LONRF3: variants seen among roughly 807,000 people sequenced by gnomAD.
LONRF3 encodes LON peptidase N-terminal domain and ring finger 3, also known as LON peptidase N-terminal domain and RING finger protein 3.
LONRF3 carries 19 observed loss-of-function variants against 51.7 expected under a neutral mutation model. The observed-to-expected ratio is 0.37, with a 90% CI of 0.26 to 0.54. LONRF3 has a LOEUF of 0.54. LONRF3 is among the 20% of genes least tolerant of loss of function. The pLI is 0.86. For missense variants in LONRF3, 521 were observed against 623.9 expected (o/e 0.84, Z 1.76); for synonymous variants, 265 against 257.8 (o/e 1.03, Z -0.27).
At chrX:118,981,003 A>G (rs959689712) in intron 2 of LONRF3, among the ~76,000 whole-genome samples, 1 of 111,867 alleles carries the variant, frequency 8.9e-6, no homozygotes, top group African/African-American at 3.3e-5. Flanking sequence ...GATGCCTATA[A>G]TTCAAAACCA....
rs1044217326 is a variant in LONRF3 at position 118,992,449 on chromosome X, C to T, written c.1415+1889C>T. ...ATGACTCAGCAAAGGCAGCCATAAT[C>T]CTCCTAGGTACACAACTCCAGTGAC... On this transcript the variant is annotated intron_variant, in intron 5 of 10. Coordinates refer to ENST00000371628, the MANE Select transcript of LONRF3 (RefSeq NM_001031855.3). Among the ~76,000 whole-genome samples the T allele has an allele frequency of 6.3e-5, 7 of 110,729 alleles. No homozygotes were observed. The East Asian group carries it at 8.5e-4, about 13-fold the overall frequency.
chrX:118,978,335 A>G lies in LONRF3; in HGVS notation c.818-10A>G. The G allele has an allele frequency of 8.6e-7, 1 of 1,162,219 alleles. No individual in the cohort carries two copies. The highest frequency in any genetic ancestry group is 1.2e-6 in the Non-Finnish European group (1 of 851,566). On this transcript the variant is annotated splice_polypyrimidine_tract_variant and intron_variant, in intron 1 of 10. Transcript: ENST00000371628. ...CCATTAATAAAGGTTTTTCTTTCTT[A>G]TTTTGACAGCTCCAAATGACCACTT...
intron 3 of LONRF3, among the ~76,000 whole-genome samples, chrX:118,988,056 C>T (rs193094183): frequency 2.7e-5 from 3 of 111,446 alleles, no homozygotes; most frequent in East Asian, 5.7e-4. Context: ...GAGTTTAGCA[C>T]TGAATGCCTG....
intron 6 of LONRF3, 108 bp from the exon 7 acceptor site, chrX:119,009,018 C>A: frequency 1.6e-6 from 1 of 631,000 alleles, no homozygotes; most frequent in Non-Finnish European, 2.4e-6. Flanking sequence ...GTCCAGATTA[C>A]TCCAATATGT....
At chrX:118,977,256 T>A (rs1454104267) in intron 1 of LONRF3, among the ~76,000 whole-genome samples, 2 of 110,082 alleles carry the variant, frequency 1.8e-5, no homozygotes. Context: ...ATGAGGCAGG[T>A]GGAGGTCACT....
At position 118,986,852 on chromosome X, in the gene LONRF3, C is replaced by G. The variant is rs563663194; in HGVS notation, c.1060-2556C>G. The G allele has an allele frequency of 3.6e-5, 36 of 992,868 alleles. No homozygotes were observed. The Middle Eastern group carries it at 1.3e-3, about 35-fold the overall frequency. The allele number at this position is 992,868 out of a possible 1,213,427, so 81.8% of individuals were successfully genotyped here. A position where few individuals can be genotyped will look rare whatever the true frequency, so the allele number is the denominator to read the frequency against. Reference sequence around the variant, plus strand: ...TGCCCTGCAAGCTGGCTCCCTCCCCCCTTCACCCTCCTCCCCTTCACCTGG... The same window carrying G: ...TGCCCTGCAAGCTGGCTCCCTCCCCGCTTCACCCTCCTCCCCTTCACCTGG... On this transcript the variant is annotated intron_variant, in intron 3 of 10. Transcript: ENST00000371628.
chrX:118,989,597 C>T lies in LONRF3; in HGVS notation c.1249C>T (p.Gln417Ter). The part of the protein sequence containing the change: ...KAASSKTGKC[Q>*]EKKRKHCQIE... ...TGCTTCCAGCAAGACTGGAAAATGC[C>T]AGGAAAAGAAAAGGAAACATTGCCA... is the stretch of plus-strand genomic sequence containing the variant. Residue 417 changes from glutamine (Q) to a stop codon, truncating the protein, a stop_gained, in exon 4 of 11, where the codon CAG becomes TAG. Coordinates refer to ENST00000371628, the MANE Select transcript of LONRF3 (RefSeq NM_001031855.3). LOFTEE classifies it high-confidence loss of function. The T allele has an allele frequency of 8.3e-7, 1 of 1,210,736 alleles. No homozygotes were observed. Among genetic ancestry groups the T allele is most frequent in the Non-Finnish European group, 1.1e-6 (1 of 895,045 alleles).
At chrX:119,012,391 A>G (rs1368487546) in intron 8 of LONRF3, among the ~76,000 whole-genome samples, 1 of 110,655 alleles carries the variant, frequency 9.0e-6, no homozygotes, top group Non-Finnish European at 1.9e-5. Context: ...TGAGTTAATA[A>G]TGTACATAAA....
intron 7 of LONRF3, among the ~76,000 whole-genome samples, chrX:119,009,554 CAG>C (rs1369135414): frequency 3.6e-5 from 4 of 111,640 alleles, no homozygotes; most frequent in African/African-American, 9.8e-5. Context: ...GTAGCATAAA[CAG>C]GGGAACTTAA....
intron 5 of LONRF3, among the ~76,000 whole-genome samples, chrX:119,004,890 T>C (rs747676830): frequency 8.9e-6 from 1 of 112,630 alleles, no homozygotes; most frequent in African/African-American, 3.2e-5. Context: ...TTGAGAATTA[T>C]TGTTGTAATA....
chrX:119,015,478 C>A (rs1370722412), intron 10 of LONRF3, among the ~76,000 whole-genome samples: 1 of 111,858 alleles, frequency 8.9e-6, no homozygotes, highest in Non-Finnish European at 1.9e-5. Context: ...TCTTTCCCCC[C>A]CCATGCAAAG....
At chrX:119,008,254 C>A in intron 6 of LONRF3, among the ~76,000 whole-genome samples, 1 of 112,383 alleles carries the variant, frequency 8.9e-6, no homozygotes, top group Non-Finnish European at 1.9e-5. Context: ...GAGACACAGC[C>A]CATACTGAGA....
chrX:118,989,643 C>T lies in LONRF3; in HGVS notation c.1295C>T (p.Thr432Met), dbSNP rs370157712. 9.5e-5 allele frequency: 115 copies of T among 1,208,492 alleles called. No individual in the cohort carries two copies. Among genetic ancestry groups the T allele is most frequent in the Non-Finnish European group, 1.3e-4 (113 of 894,614 alleles). Residue 432 changes from threonine (T) to methionine (M), a missense_variant, in exon 4 of 11, where the codon ACG (threonine) becomes ATG (methionine). Physicochemically the swap from Thr to Met is moderately conservative, Grantham distance 81 (BLOSUM62 -1). Around this residue, in one of 2 missense-constraint regions of LONRF3, gnomAD observed 376 missense variants for 376.7 expected, o/e 1.00. Coordinates refer to ENST00000371628, the MANE Select transcript of LONRF3 (RefSeq NM_001031855.3). Reference protein sequence around the residue: ...KHCQIESQEETGMPNKASKQD... With the variant: ...KHCQIESQEEMGMPNKASKQD... ...TGCCAGATTGAATCCCAAGAAGAAA[C>T]GGGGATGCCTAATAAAGCCTCCAAG... is the stretch of plus-strand genomic sequence containing the variant.
chrX:118,978,998 CTTTT>C (rs36016675), intron 2 of LONRF3, among the ~76,000 whole-genome samples: 2 of 56,113 alleles, frequency 3.6e-5, no homozygotes, highest in Non-Finnish European at 6.0e-5. Flanking sequence ...TGTTTTCTTT[CTTTT>C]TTTTTTTTTT....
At chrX:119,013,544 T>A (rs1569299067) in intron 9 of LONRF3, among the ~76,000 whole-genome samples, 1 of 111,910 alleles carries the variant, frequency 8.9e-6, no homozygotes, top group African/African-American at 3.2e-5. Flanking sequence ...ATCTATCGAT[T>A]TATGTATATT....
At chrX:119,010,141 T>G (rs946963180) in intron 7 of LONRF3, among the ~76,000 whole-genome samples, 3 of 111,600 alleles carry the variant, frequency 2.7e-5, no homozygotes, top group African/African-American at 9.8e-5. Context: ...GTAATAATAC[T>G]AATACTTGTC....
chrX:119,015,011 G>A (rs1925347475), intron 10 of LONRF3, among the ~76,000 whole-genome samples: 1 of 111,785 alleles, frequency 8.9e-6, no homozygotes, highest in African/African-American at 3.2e-5. Flanking sequence ...TTCTTCCTGG[G>A]GGATAGGCCT....
At chrX:119,004,708 G>A (rs1425549746) in intron 5 of LONRF3, among the ~76,000 whole-genome samples, 1 of 111,822 alleles carries the variant, frequency 8.9e-6, no homozygotes, top group South Asian at 3.8e-4. Context: ...ATTTGGGAGG[G>A]ATGGGTATGT....
intron 3 of LONRF3, among the ~76,000 whole-genome samples, chrX:118,983,749 G>A (rs1922747284): frequency 8.9e-6 from 1 of 111,907 alleles, no homozygotes; most frequent in African/African-American, 3.3e-5. Flanking sequence ...GGAGCCTTAC[G>A]GTTTCTGTCC....
Sources: allele counts gnomAD v4.1 joint callset (sites outside exome capture counted in the v4.1 genomes callset), GRCh38; gene constraint gnomAD v4.1.1; regional missense constraint gnomAD v4.1.1; transcripts MANE v1.5; gene names NCBI Gene and HGNC (gene_info 2026-07-23, HGNC 2026-07-21).